Variants in NRG1 observed in about 807,000 individuals in gnomAD.
NRG1 encodes pro-neuregulin-1, membrane-bound isoform.
NRG1 carries 18 observed loss-of-function variants against 63.8 expected under a neutral mutation model. The ratio of observed to expected loss-of-function variants is 0.28; its 90% CI spans 0.19 to 0.42. The LOEUF is 0.42. NRG1 is among the 10% of genes least tolerant of loss of function. The pLI is 1.00. For synonymous variants in NRG1, 302 were observed against 301.3 expected, an observed-to-expected ratio of 1.00 and a Z score of -0.02; for missense variants, 762 against 814.7, an observed-to-expected ratio of 0.94 and a Z score of 0.79.
chr8:31,691,193 GCAA>G (rs1809464975), intron 1 of NRG1, among the ~76,000 whole-genome samples: 1 of 152,162 alleles, frequency 6.6e-6, no homozygotes, highest in East Asian at 1.9e-4. Flanking sequence ...AGGTAAAGTA[GCAA>G]ATGACAAAGG....
chr8:32,303,183 C>CAAAAAAAAAAAAAAAAA (rs1563291349), intron 1 of NRG1, among the ~76,000 whole-genome samples: 4 of 59,708 alleles, frequency 6.7e-5, no homozygotes, highest in Non-Finnish European at 8.6e-5. Flanking sequence ...AACTCAGTCT[C>CAAAAAAAAAAAAAAAAA]CAAAAAAAAA....
rs571040098 is a variant in NRG1 at position 31,796,740 on chromosome 8, A to T, written c.37+157309A>T. Among the ~76,000 whole-genome samples the T allele has an allele frequency of 3.6e-4, 55 of 152,244 alleles. 1 individual carries two copies. Among genetic ancestry groups the T allele is most frequent in the African/African-American group, 1.2e-3 (48 of 41,552 alleles). ...GCGTGAGCCACTGCGCCCGGCCAGA[A>T]GGTGGAGTGCTATTCTTAACTGTCC... On this transcript the variant is annotated intron_variant, in intron 1 of 10. Transcript: ENST00000519301.
At chr8:31,758,185 T>G (rs1817172817) in intron 1 of NRG1, among the ~76,000 whole-genome samples, 2 of 152,052 alleles carry the variant, frequency 1.3e-5, no homozygotes, top group African/African-American at 2.4e-5. Context: ...CATTAGGTGT[T>G]TCTCCTAATG....
At chr8:31,875,496 T>C (rs1386840750) in intron 1 of NRG1, among the ~76,000 whole-genome samples, 2 of 152,154 alleles carry the variant, frequency 1.3e-5, no homozygotes, top group East Asian at 3.9e-4. Flanking sequence ...AAAACTCTTC[T>C]TGATTAATAA....
chr8:32,635,688 G>A (rs1013369051), intron 5 of NRG1, among the ~76,000 whole-genome samples: 2 of 152,098 alleles, frequency 1.3e-5, no homozygotes, highest in African/African-American at 4.8e-5. Flanking sequence ...TGTCATTGCA[G>A]TTTTTTAAAA....
chr8:32,319,979 GGAA>G (rs1268501527), intron 1 of NRG1, among the ~76,000 whole-genome samples: 4 of 152,064 alleles, frequency 2.6e-5, no homozygotes, highest in African/African-American at 9.7e-5. Context: ...AGCCCCAGGA[GGAA>G]GAATAGGATA....
exon 12 of NRG1, chr8:32,764,810 G>A (rs991634320): frequency 3.8e-5 from 6 of 159,628 alleles, no homozygotes; most frequent in African/African-American, 1.2e-4. Flanking sequence ...CACCCGATCA[G>A]TATGTCTTGT....
intron 5 of NRG1, among the ~76,000 whole-genome samples, chr8:32,650,113 G>A (rs1854667496): frequency 1.3e-5 from 2 of 152,140 alleles, no homozygotes; most frequent in African/African-American, 4.8e-5. Context: ...ACATTTTCCT[G>A]ATCTAAGACC....
At chr8:32,093,462 A>C (rs1381855899) in intron 1 of NRG1, among the ~76,000 whole-genome samples, 6 of 152,260 alleles carry the variant, frequency 3.9e-5, no homozygotes. Context: ...AAGTGTATTT[A>C]AGTCAAAATT....
chr8:32,216,442 T>G (rs919045364), intron 1 of NRG1, among the ~76,000 whole-genome samples: 51 of 148,660 alleles, frequency 3.4e-4, no homozygotes, highest in African/African-American at 1.2e-3. Context: ...TATTAGATAT[T>G]AATATATTAC....
chr8:32,492,558 G>A (rs991407538), intron 1 of NRG1, among the ~76,000 whole-genome samples: 1 of 152,086 alleles, frequency 6.6e-6, no homozygotes, highest in Admixed American at 6.6e-5. Context: ...ATCCTATGGA[G>A]AGATGTCCTT....
At chr8:32,402,565 C>T (rs1200753467) in intron 1 of NRG1, among the ~76,000 whole-genome samples, 1 of 152,188 alleles carries the variant, frequency 6.6e-6, no homozygotes, top group Non-Finnish European at 1.5e-5. Context: ...ATGCCTCCGA[C>T]CTGTTAGTCA....
At chr8:32,006,588 A>G (rs1379869516) in intron 1 of NRG1, among the ~76,000 whole-genome samples, 1 of 152,036 alleles carries the variant, frequency 6.6e-6, no homozygotes, top group African/African-American at 2.4e-5. Context: ...TTCAAAGTGT[A>G]TAAAGGACTT....
intron 1 of NRG1, among the ~76,000 whole-genome samples, chr8:32,463,874 C>CTTTTTTGTTTTTTTTTTTTTTTTTT (rs1822663828): frequency 2.4e-5 from 1 of 42,338 alleles, no homozygotes; most frequent in Admixed American, 2.7e-4. Flanking sequence ...ACTTAGAATT[C>CTTTTTTGTTTTTTTTTTTTTTTTTT]TTTTTTTTTT....
chr8:32,560,665 CTG>C (rs1431780208), intron 1 of NRG1, among the ~76,000 whole-genome samples: 3 of 152,138 alleles, frequency 2.0e-5, no homozygotes. Context: ...GAAATTTGCA[CTG>C]TTTATTTTGA....
chr8:31,922,019 C>G (rs1833963619), intron 1 of NRG1, among the ~76,000 whole-genome samples: 1 of 152,138 alleles, frequency 6.6e-6, no homozygotes, highest in African/African-American at 2.4e-5. Flanking sequence ...CTAAGTGATT[C>G]AAGCAGCAAT....
intron 1 of NRG1, among the ~76,000 whole-genome samples, chr8:31,998,775 G>A (rs1042034172): frequency 1.3e-5 from 2 of 152,036 alleles, no homozygotes; most frequent in African/African-American, 4.8e-5. Flanking sequence ...GGAAGGACAA[G>A]TGTCTTCCCT....
intron 1 of NRG1, among the ~76,000 whole-genome samples, chr8:31,911,672 C>T (rs1832955228): frequency 6.6e-6 from 1 of 152,150 alleles, no homozygotes; most frequent in South Asian, 2.1e-4. Context: ...AATGAAACCC[C>T]ATGACATGAG....
chr8:32,130,202 T>G (rs1385271196), intron 1 of NRG1, among the ~76,000 whole-genome samples: 1 of 151,934 alleles, frequency 6.6e-6, no homozygotes, highest in Non-Finnish European at 1.5e-5. Flanking sequence ...TCCTTCCAAA[T>G]GATTCATGTA....
Sources: allele counts gnomAD v4.1 joint callset (sites outside exome capture counted in the v4.1 genomes callset), GRCh38; gene constraint gnomAD v4.1.1; transcripts MANE v1.5; gene names NCBI Gene and HGNC (gene_info 2026-07-23, HGNC 2026-07-21).